The following TM6SF1 variants were observed in gnomAD, a reference collection of about 807,000 sequenced individuals.
The protein encoded by TM6SF1 is transmembrane 6 superfamily member 1.
Under a neutral mutation model 47.1 loss-of-function variants are expected in TM6SF1, and 43 were observed. The ratio of observed to expected loss-of-function variants is 0.91; its 90% CI spans 0.72 to 1.18. TM6SF1 has a LOEUF of 1.18. Among genes scored for constraint, TM6SF1 ranks in the 50% most tolerant of loss-of-function variants. The pLI, the probability that TM6SF1 is intolerant of heterozygous loss-of-function variation, is 0.00. For missense variants in TM6SF1, 390 were observed against 449.0 expected, an observed-to-expected ratio of 0.87 and a Z score of 1.19; for synonymous variants, 177 against 166.3, an observed-to-expected ratio of 1.06 and a Z score of -0.49.
chr15:83,131,737 A>G (rs2151382750), intron 9 of TM6SF1: 1 of 152,356 alleles, frequency 6.6e-6, no homozygotes, highest in African/African-American at 2.4e-5. Context: ...TCAAGGAAAG[A>G]GTAAAAGAAG....
chr15:83,120,858 GC>G (rs1426844264), intron 4 of TM6SF1, among the ~76,000 whole-genome samples: 3 of 151,222 alleles, frequency 2.0e-5, no homozygotes, highest in South Asian at 2.1e-4. Flanking sequence ...GAACCACCGT[GC>G]CCGGCTCCAG....
chr15:83,122,247 T>A (rs77383830), intron 5 of TM6SF1, among the ~76,000 whole-genome samples: 3,578 of 152,304 alleles, frequency 0.023, 130 homozygotes, highest in African/African-American at 0.081. Flanking sequence ...CCTGTTTTTT[T>A]AGAAGGATCT....
At position 83,119,565 on chromosome 15, in the gene TM6SF1, A is replaced by G; in HGVS notation, c.295-13A>G. The G allele has an allele frequency of 6.2e-7, 1 of 1,613,098 alleles. No homozygotes were observed. The highest frequency in any genetic ancestry group is 8.5e-7 in the Non-Finnish European group (1 of 1,179,554). On this transcript the variant is annotated splice_polypyrimidine_tract_variant and intron_variant, in intron 3 of 9. Transcript: ENST00000322019. ...CTTATTTAAAGTGGACTTCTTTTTA[A>G]TGCTTTCTTTAGGGTGAACCGTATC...
At chr15:83,114,857 G>C (rs2034513844) in intron 2 of TM6SF1, 1 of 152,222 alleles carries the variant, frequency 6.6e-6, no homozygotes, top group African/African-American at 2.4e-5. Context: ...ATTTGTGCTA[G>C]TAGTTTTAAG....
chr15:83,130,794 C>G (rs2036176596), intron 9 of TM6SF1: 1 of 152,186 alleles, frequency 6.6e-6, no homozygotes, highest in Non-Finnish European at 1.5e-5. Context: ...ACATTCATCA[C>G]AGAAAGCACT....
At chr15:83,123,524 T>G (rs2035459802) in intron 6 of TM6SF1, among the ~76,000 whole-genome samples, 2 of 152,262 alleles carry the variant, frequency 1.3e-5, no homozygotes, top group Admixed American at 6.5e-5. Flanking sequence ...AAAACTGATA[T>G]ATGAAAATAT....
intron 4 of TM6SF1, chr15:83,119,901 A>G: frequency 2.0e-6 from 1 of 497,874 alleles, no homozygotes; most frequent in Middle Eastern, 5.6e-4. Context: ...GCTCGGGCAG[A>G]CCCTTTAAGC....
At position 83,107,653 on chromosome 15, in the gene TM6SF1, G is replaced by A; in HGVS notation, c.-28G>A. On this transcript the variant is annotated 5_prime_UTR_variant, in exon 1 of 10. The change creates a new upstream start codon in the 5' untranslated region. Coordinates refer to ENST00000322019, the MANE Select transcript of TM6SF1 (RefSeq NM_023003.5). This position sits in a 1 kb window ranked among gnomAD's most constrained non-coding sequence, Gnocchi z 5.6. Reference sequence around the variant, plus strand: ...GGGGCGGGGCGCCCAGCGGGATGCGGTGAAGGGCGAGCGGCGCGGCGGCTG... The same window carrying A: ...GGGGCGGGGCGCCCAGCGGGATGCGATGAAGGGCGAGCGGCGCGGCGGCTG... 1 of 1,521,480 alleles carries A rather than the reference G, an allele frequency of 6.6e-7. No individual in the cohort carries two copies. 94.2% of individuals were successfully genotyped at this position (1,521,480 alleles called of 1,614,324 possible). A position where few individuals can be genotyped will look rare whatever the true frequency, so the allele number is the denominator to read the frequency against.
chr15:83,117,462 G>A (rs1478289078), intron 3 of TM6SF1, among the ~76,000 whole-genome samples: 1 of 152,162 alleles, frequency 6.6e-6, no homozygotes, highest in Non-Finnish European at 1.5e-5. Context: ...TGGGACTTTA[G>A]AGACCATGGC....
Position 83,112,972 on chromosome 15 carries a change from C to T in TM6SF1, c.196+72C>T. Reference sequence around the variant, plus strand: ...ATACTTTCAGCCTCAGTCACATATTCCTCCTTGGTTGTGAATACTCTGAGC... The same window carrying T: ...ATACTTTCAGCCTCAGTCACATATTTCTCCTTGGTTGTGAATACTCTGAGC... On this transcript the variant is annotated intron_variant, in intron 2 of 9. Coordinates refer to ENST00000322019, the MANE Select transcript of TM6SF1 (RefSeq NM_023003.5). 2.4e-6 allele frequency: 3 copies of T among 1,272,562 alleles called. No homozygotes were observed. In the South Asian group the frequency reaches 3.6e-5, roughly 15 times the overall value. The allele number at this position is 1,272,562 out of a possible 1,614,324, so 78.8% of individuals were successfully genotyped here.
At chr15:83,124,526 TC>T in intron 6 of TM6SF1, 145 bp from the exon 7 acceptor site, 1 of 609,878 alleles carries the variant, frequency 1.6e-6, no homozygotes, top group Non-Finnish European at 2.8e-6. Flanking sequence ...GAAATGATTT[TC>T]CTAAAGTTCC....
At chr15:83,119,268 G>C (rs1314976891) in intron 3 of TM6SF1, among the ~76,000 whole-genome samples, 1 of 152,238 alleles carries the variant, frequency 6.6e-6, no homozygotes, top group Admixed American at 6.5e-5. Context: ...TGGTCTCCAT[G>C]AGTTTGCCAT....
At position 83,136,598 on chromosome 15, in the gene TM6SF1, C is replaced by T; in HGVS notation, c.1039C>T (p.Gln347Ter). The part of the protein sequence containing the change: ...ALNIAYGVLP[Q>*]LLAYRCIYKP... ...AAACATAGCATATGGAGTTCTTCCT[C>T]AGCTCTTGGCCTATCGTTGTATCTA... The change falls in exon 10 of 10, where the codon CAG (glutamine) becomes TAG (stop). Residue 347 changes from glutamine (Q) to a stop codon, truncating the protein, a stop_gained. Transcript: ENST00000322019. LOFTEE classifies it high-confidence loss of function. The T allele has an allele frequency of 6.2e-7, 1 of 1,613,612 alleles. No homozygotes were observed. Among genetic ancestry groups the T allele is most frequent in the East Asian group, 2.2e-5 (1 of 44,868 alleles).
intron 3 of TM6SF1, among the ~76,000 whole-genome samples, chr15:83,117,081 C>G (rs2034732728): frequency 6.6e-6 from 1 of 152,154 alleles, no homozygotes; most frequent in African/African-American, 2.4e-5. Flanking sequence ...AGTCTGGGTG[C>G]AGTCGGGGAA....
intron 2 of TM6SF1, chr15:83,114,223 C>T (rs1340456577): frequency 6.6e-6 from 1 of 152,596 alleles, no homozygotes; most frequent in African/African-American, 2.4e-5. Flanking sequence ...CCTGACTCTT[C>T]AAGGCTGGGC....
At chr15:83,122,118 AC>A (rs2151363063) in intron 5 of TM6SF1, 115 bp downstream of exon 5, 2 of 865,526 alleles carry the variant, frequency 2.3e-6, no homozygotes, top group East Asian at 5.3e-5. Context: ...CTTACTAAAA[AC>A]CTGTTTTGCA....
At chr15:83,119,050 TAGA>T (rs1226027403) in intron 3 of TM6SF1, among the ~76,000 whole-genome samples, 1 of 151,992 alleles carries the variant, frequency 6.6e-6, no homozygotes, top group Admixed American at 6.6e-5. Context: ...GTTGGGAAGG[TAGA>T]AGGAGGGGTT....
intron 1 of TM6SF1, among the ~76,000 whole-genome samples, chr15:83,110,893 C>T (rs764833522): frequency 9.9e-5 from 15 of 152,274 alleles, no homozygotes; most frequent in Admixed American, 2.0e-4. Flanking sequence ...TTTTTTGAGA[C>T]GGACTCTTGC....
chr15:83,127,306 GGCCA>G (rs1390532820), intron 8 of TM6SF1, 48 bp from the exon 9 acceptor site: 312 of 1,522,908 alleles, frequency 2.0e-4, no homozygotes, highest in Non-Finnish European at 1.3e-5. Context: ...TTTTTAGTCA[GGCCA>G]AGTTAACTGC....
Sources: gnomAD v4.1 joint callset for allele counts (sites outside exome capture counted in the v4.1 genomes callset) on GRCh38, gnomAD v4.1.1 for gene constraint, Gnocchi (gnomAD v3.1) non-coding constraint, MANE v1.5 for transcripts, NCBI Gene and HGNC (gene_info 2026-07-23, HGNC 2026-07-21) for gene names.